GRK3: variants seen among roughly 807,000 people sequenced by gnomAD.
The protein encoded by GRK3 is G protein-coupled receptor kinase 3, also known as adrenergic, beta, receptor kinase 2.
GRK3 carries 54 observed loss-of-function variants against 95.7 expected under a neutral mutation model. The observed-to-expected ratio is 0.56, with a 90% CI of 0.45 to 0.71. GRK3 has a LOEUF of 0.71. Among genes scored for constraint, GRK3 ranks in the 30% least tolerant of loss-of-function variants. The pLI, the probability that GRK3 is intolerant of heterozygous loss-of-function variation, is 0.00. For synonymous variants in GRK3, 281 were observed against 290.8 expected, an observed-to-expected ratio of 0.97 and a Z score of 0.34; for missense variants, 649 against 851.2, an observed-to-expected ratio of 0.76 and a Z score of 2.96.
At chr22:25,675,850 G>A (rs1354316153) in intron 8 of GRK3, among the ~76,000 whole-genome samples, 2 of 152,206 alleles carry the variant, frequency 1.3e-5, no homozygotes, top group Non-Finnish European at 2.9e-5. Context: ...TGGGCAGGGC[G>A]AGCCTGATGC....
At chr22:25,649,062 C>T (rs1464653343) in intron 3 of GRK3, 37 of 1,505,462 alleles carry the variant, frequency 2.5e-5, no homozygotes, top group Middle Eastern at 3.4e-4. Context: ...ACAGGTGGAG[C>T]GAGGATACAG....
At chr22:25,630,423 G>A (rs2084656278) in intron 2 of GRK3, among the ~76,000 whole-genome samples, 1 of 152,120 alleles carries the variant, frequency 6.6e-6, no homozygotes, top group Non-Finnish European at 1.5e-5. Flanking sequence ...TTTGTTTACT[G>A]TCTGATGTGC....
intron 3 of GRK3, among the ~76,000 whole-genome samples, chr22:25,650,738 C>T (rs911811419): frequency 2.0e-5 from 3 of 152,120 alleles, no homozygotes; most frequent in Admixed American, 6.5e-5. Context: ...TAAGGTATAA[C>T]TAACTATAAA....
At chr22:25,607,492 C>T (rs138599307) in intron 2 of GRK3, among the ~76,000 whole-genome samples, 3,695 of 151,862 alleles carry the variant, frequency 0.024, 50 homozygotes, top group East Asian at 0.038. Context: ...ATTAACTTAC[C>T]GAAGAAATTG....
intron 2 of GRK3, among the ~76,000 whole-genome samples, chr22:25,612,290 C>G (rs2084503925): frequency 6.6e-6 from 1 of 152,098 alleles, no homozygotes; most frequent in South Asian, 2.1e-4. Context: ...CTAAATCTAT[C>G]TTTTTTGCAT....
At chr22:25,697,502 G>A (rs527449951) in intron 13 of GRK3, among the ~76,000 whole-genome samples, 27 of 152,342 alleles carry the variant, frequency 1.8e-4, no homozygotes, top group African/African-American at 6.5e-4. Context: ...ATGGCCGTGA[G>A]GCTGGGAGGG....
intron 2 of GRK3, among the ~76,000 whole-genome samples, chr22:25,609,889 C>T (rs1233257123): frequency 2.0e-5 from 3 of 149,864 alleles, no homozygotes; most frequent in Non-Finnish European, 4.4e-5. Flanking sequence ...GCTCTGTCAC[C>T]CAGGCTGGGG....
At chr22:25,606,137 A>G (rs1344430075) in intron 2 of GRK3, among the ~76,000 whole-genome samples, 2 of 152,200 alleles carry the variant, frequency 1.3e-5, no homozygotes, top group Non-Finnish European at 2.9e-5. Flanking sequence ...GTGGCTGAGT[A>G]TCTCAGTTGC....
chr22:25,701,542 A>G (rs1480154415), intron 13 of GRK3, among the ~76,000 whole-genome samples: 1 of 152,202 alleles, frequency 6.6e-6, no homozygotes, highest in Non-Finnish European at 1.5e-5. Flanking sequence ...CATGTGCTGG[A>G]AATGGTTTTG....
intron 1 of GRK3, among the ~76,000 whole-genome samples, chr22:25,568,395 C>T (rs1931568759): frequency 6.6e-6 from 1 of 152,078 alleles, no homozygotes. Context: ...TGAACTTCAT[C>T]TTTCCCCTGG....
intron 2 of GRK3, among the ~76,000 whole-genome samples, chr22:25,631,952 T>C (rs1177201231): frequency 2.6e-5 from 4 of 152,306 alleles, no homozygotes; most frequent in Middle Eastern, 3.4e-3. Flanking sequence ...TGCATCGCAG[T>C]TGGTTTATCC....
Position 25,675,008 on chromosome 22 carries a change from C to T in GRK3, c.647+480C>T, listed in dbSNP as rs951642410. Among the ~76,000 whole-genome samples the T allele has an allele frequency of 2.6e-5, 4 of 152,082 alleles. No homozygotes were observed. The South Asian group carries it at 6.2e-4, about 24-fold the overall frequency. ...AATGAGAGCAATAAGCTGGAACCTC[C>T]ACCTCTTAGGGCCAAATGGGAAGTT... On this transcript the variant is annotated intron_variant, in intron 8 of 20. Coordinates refer to ENST00000324198, the MANE Select transcript of GRK3 (RefSeq NM_005160.4).
chr22:25,605,304 C>T (rs2084436939), intron 2 of GRK3, among the ~76,000 whole-genome samples: 1 of 152,178 alleles, frequency 6.6e-6, no homozygotes, highest in Non-Finnish European at 1.5e-5. Context: ...GATATTTCAT[C>T]CTGCTCCTCA....
Position 25,664,493 on chromosome 22 carries a change from A to T in GRK3, c.441+789A>T, listed in dbSNP as rs73415112. ...TTTTCCTGGATAAGTTGGGCATTTA[A>T]AGGGAGGTAAGTTGACTTTGGCATT... On this transcript the variant is annotated intron_variant, in intron 5 of 20. Transcript: ENST00000324198. 3.0e-3 allele frequency among the ~76,000 whole-genome samples: 458 copies of T among 152,166 alleles called. 1 individual carries two copies. The highest frequency in any genetic ancestry group is 0.011 in the African/African-American group (442 of 41,500).
intron 9 of GRK3, among the ~76,000 whole-genome samples, chr22:25,683,584 G>A (rs968821906): frequency 1.3e-5 from 2 of 152,210 alleles, no homozygotes; most frequent in Admixed American, 6.5e-5. Context: ...CGTGGGTTTA[G>A]TGATGGCATA....
At position 25,648,523 on chromosome 22, in the gene GRK3, T is replaced by A; in HGVS notation, c.264+3858T>A. On this transcript the variant is annotated intron_variant, in intron 3 of 20. Transcript: ENST00000324198. ...ACCACAAAAGTAGCAATCAAAACAC[T>A]AAAACCAGGTACAATGATGCCAGAA... 14 of 1,455,208 alleles carry A rather than the reference T, an allele frequency of 9.6e-6. No homozygotes were observed. In the South Asian group the frequency reaches 1.6e-4, roughly 17 times the overall value. 90.1% of individuals were successfully genotyped at this position (1,455,208 alleles called of 1,614,324 possible). A position where few individuals can be genotyped will look rare whatever the true frequency, so the allele number is the denominator to read the frequency against.
At chr22:25,565,280 G>C in intron 1 of GRK3, 127 bp downstream of exon 1, 1 of 433,928 alleles carries the variant, frequency 2.3e-6, no homozygotes, top group South Asian at 3.2e-5. Context: ...CAGCGGAGCG[G>C]GCGATGCGGG....
chr22:25,719,262 A>G (rs1231916797), intron 19 of GRK3, among the ~76,000 whole-genome samples: 1 of 152,016 alleles, frequency 6.6e-6, no homozygotes, highest in Admixed American at 6.5e-5. Flanking sequence ...TATAAAGAGG[A>G]AAGCAGGCTT....
intron 17 of GRK3, among the ~76,000 whole-genome samples, chr22:25,712,431 A>T (rs548421482): frequency 1.3e-5 from 2 of 152,374 alleles, no homozygotes; most frequent in African/African-American, 4.8e-5. Context: ...AAAGGTATTT[A>T]AAAAATTTAC....
Sources: allele counts gnomAD v4.1 joint callset (sites outside exome capture counted in the v4.1 genomes callset), GRCh38; gene constraint gnomAD v4.1.1; transcripts MANE v1.5; gene names NCBI Gene and HGNC (gene_info 2026-07-23, HGNC 2026-07-21).